Variants in TMEM161B observed in about 807,000 individuals in gnomAD.
The protein encoded by TMEM161B is transmembrane protein 161B.
TMEM161B carries 34 observed loss-of-function variants against 61.8 expected under a neutral mutation model. The observed-to-expected ratio is 0.55, with a 90% CI of 0.42 to 0.73. The LOEUF (loss-of-function observed/expected upper bound fraction) is 0.73, where lower values mean the gene tolerates loss of function less well. TMEM161B is among the 30% of genes least tolerant of loss of function. The pLI is 0.00. For missense variants in TMEM161B, 456 were observed against 558.5 expected, an observed-to-expected ratio of 0.82 and a Z score of 1.85; for synonymous variants, 167 against 192.8, an observed-to-expected ratio of 0.87 and a Z score of 1.11.
At chr5:88,244,839 G>C (rs571141098) in intron 1 of TMEM161B, among the ~76,000 whole-genome samples, 1 of 151,402 alleles carries the variant, frequency 6.6e-6, no homozygotes, top group East Asian at 1.9e-4. Flanking sequence ...TTGTAATTCC[G>C]GTTATACAGG....
chr5:88,220,968 TTTAAG>T (rs1257393355), intron 4 of TMEM161B, among the ~76,000 whole-genome samples: 1 of 152,194 alleles, frequency 6.6e-6, no homozygotes, highest in Non-Finnish European at 1.5e-5. Flanking sequence ...CCAAAAGTTA[TTTAAG>T]TTGTTGGTAA....
At chr5:88,186,921 C>G (rs1356955126), downstream of TMEM161B, among the ~76,000 whole-genome samples, 2 of 152,022 alleles carry the variant, frequency 1.3e-5, no homozygotes, top group Non-Finnish European at 2.9e-5. Flanking sequence ...ACAACAACAA[C>G]AACAACAACA....
intron 3 of TMEM161B, among the ~76,000 whole-genome samples, chr5:88,227,234 G>A (rs1268396250): frequency 6.6e-6 from 1 of 152,148 alleles, no homozygotes; most frequent in Non-Finnish European, 1.5e-5. Context: ...CTATAAATGG[G>A]TGGAAGGGGA....
At chr5:88,185,951 G>C (rs1324695478), downstream of TMEM161B, among the ~76,000 whole-genome samples, 2 of 152,164 alleles carry the variant, frequency 1.3e-5, no homozygotes, top group African/African-American at 4.8e-5. Flanking sequence ...TCAAATTGGA[G>C]GGACAAGACC....
intron 9 of TMEM161B, chr5:88,200,778 T>A (rs1483961396): frequency 1.3e-5 from 2 of 152,114 alleles, no homozygotes; most frequent in Non-Finnish European, 2.9e-5. Flanking sequence ...TTCCTGTATA[T>A]GCTGTGTTCT....
chr5:88,246,870 T>G (rs1282438659), intron 1 of TMEM161B, among the ~76,000 whole-genome samples: 2 of 152,014 alleles, frequency 1.3e-5, no homozygotes, highest in Non-Finnish European at 2.9e-5. Flanking sequence ...CACACAACCA[T>G]ATGGGTCATT....
intron 2 of TMEM161B, among the ~76,000 whole-genome samples, chr5:88,229,366 C>A (rs1357046170): frequency 6.6e-6 from 1 of 152,128 alleles, no homozygotes; most frequent in Non-Finnish European, 1.5e-5. Context: ...TTAGTTCAGA[C>A]CTTAGTTCAG....
chr5:88,216,421 T>C (rs1238300745), intron 5 of TMEM161B, among the ~76,000 whole-genome samples: 1 of 152,244 alleles, frequency 6.6e-6, no homozygotes. Context: ...AATGGTATTT[T>C]CACATATTTA....
At chr5:88,216,439 A>G (rs1580452135) in intron 5 of TMEM161B, among the ~76,000 whole-genome samples, 2 of 152,366 alleles carry the variant, frequency 1.3e-5, no homozygotes, top group East Asian at 3.9e-4. Context: ...TTAATACTAC[A>G]GAATTAAACA....
At chr5:88,206,578 T>A in intron 6 of TMEM161B, 79 bp from the exon 7 acceptor site, 1 of 1,350,736 alleles carries the variant, frequency 7.4e-7, no homozygotes, top group Non-Finnish European at 1.0e-6. Flanking sequence ...GGAAATAAAA[T>A]GTTAGAAAAC....
At position 88,207,081 on chromosome 5, in the gene TMEM161B, T is replaced by C. The variant is rs755172526; in HGVS notation, c.546A>G (p.Ala182=). The C allele has an allele frequency of 6.2e-7, 1 of 1,612,974 alleles. No individual in the cohort carries two copies. Among genetic ancestry groups the C allele is most frequent in the East Asian group, 2.2e-5 (1 of 44,694 alleles). The part of the protein sequence containing the change: ...VTFGFFFFVK[A]MAVLIVTENY... ...TTTCTGTTACAATCAACACTGCCAT[T>C]GCTTTGACAAAGAAAAAAAATCCAA... Residue 182 remains alanine, a synonymous_variant, in exon 6 of 12, where the codon GCA becomes GCG. Coordinates refer to ENST00000296595, the MANE Select transcript of TMEM161B (RefSeq NM_153354.5).
chr5:88,212,589 A>G (rs764207206), intron 5 of TMEM161B, among the ~76,000 whole-genome samples: 2 of 152,208 alleles, frequency 1.3e-5, no homozygotes, highest in African/African-American at 2.4e-5. Context: ...GCACCTTGTG[A>G]GGTCAAGGTG....
At chr5:88,264,179 G>C (rs1482493423) in intron 1 of TMEM161B, among the ~76,000 whole-genome samples, 1 of 151,668 alleles carries the variant, frequency 6.6e-6, no homozygotes, top group Non-Finnish European at 1.5e-5. Flanking sequence ...CTTAATTGCG[G>C]AACTTATTAA....
intron 1 of TMEM161B, among the ~76,000 whole-genome samples, chr5:88,244,865 G>A (rs944762278): frequency 6.6e-6 from 1 of 151,764 alleles, no homozygotes; most frequent in African/African-American, 2.4e-5. Flanking sequence ...CACCTCCTTA[G>A]TTAGCTGTAA....
intron 1 of TMEM161B, among the ~76,000 whole-genome samples, chr5:88,250,205 G>T (rs995545665): frequency 2.6e-5 from 4 of 152,070 alleles, no homozygotes; most frequent in Non-Finnish European, 4.4e-5. Context: ...GAGAGAGAGA[G>T]AGAGAGAGAC....
chr5:88,248,832 C>T (rs1753958471), intron 1 of TMEM161B, among the ~76,000 whole-genome samples: 1 of 151,910 alleles, frequency 6.6e-6, no homozygotes, highest in Non-Finnish European at 1.5e-5. Context: ...ATTAACCTGA[C>T]TTTTAACCAT....
chr5:88,268,838 C>G lies in TMEM161B; in HGVS notation c.-115G>C. On this transcript the variant is annotated 5_prime_UTR_variant, in exon 1 of 12. Transcript: ENST00000296595. ...CTCAAACAGCGAAAGAGAGGGTCTTCCGGCTCTGCCGGAAGTTGTGCGCGC... is the reference window on the plus strand; with the variant it reads ...CTCAAACAGCGAAAGAGAGGGTCTTGCGGCTCTGCCGGAAGTTGTGCGCGC... 2 of 1,559,440 alleles carry G rather than the reference C, an allele frequency of 1.3e-6. No individual in the cohort carries two copies. The highest frequency in any genetic ancestry group is 1.7e-6 in the Non-Finnish European group (2 of 1,143,560).
chr5:88,250,277 G>A (rs1348145063), intron 1 of TMEM161B, among the ~76,000 whole-genome samples: 1 of 151,994 alleles, frequency 6.6e-6, no homozygotes, highest in African/African-American at 2.4e-5. Flanking sequence ...CAGGTTTCTG[G>A]TTCCCTCTTC....
At chr5:88,262,933 C>T (rs1755865380) in intron 1 of TMEM161B, among the ~76,000 whole-genome samples, 1 of 151,930 alleles carries the variant, frequency 6.6e-6, no homozygotes, top group Non-Finnish European at 1.5e-5. Context: ...TAATGCAACA[C>T]AAAAATAAAA....
Sources: gnomAD v4.1 joint callset for allele counts (sites outside exome capture counted in the v4.1 genomes callset) on GRCh38, gnomAD v4.1.1 for gene constraint, MANE v1.5 for transcripts, NCBI Gene and HGNC (gene_info 2026-07-23, HGNC 2026-07-21) for gene names.